EHMT1: variants seen among roughly 807,000 people sequenced by gnomAD.
EHMT1 encodes histone-lysine N-methyltransferase EHMT1.
A neutral mutation model predicts 147.2 loss-of-function variants in EHMT1; 15 were observed. The observed-to-expected ratio is 0.10, with a 90% CI of 0.07 to 0.16. EHMT1 has a LOEUF of 0.16. Among genes scored for constraint, EHMT1 ranks in the 10% least tolerant of loss-of-function variants. EHMT1 has a pLI of 1.00. For synonymous variants in EHMT1, 795 were observed against 709.6 expected, an observed-to-expected ratio of 1.12 and a Z score of -1.91; for missense variants, 1,587 against 1,772.4, an observed-to-expected ratio of 0.90 and a Z score of 1.88.
In EHMT1 at chr9:137,754,244, C is replaced by A. The variant is rs770997364; in HGVS notation, c.1322C>A (p.Ala441Asp). The stretch of plus-strand genomic sequence containing the variant: ...ACCGACAGTCCCTGGATCAAGCCAG[C>A]CAGGAAAAGGAGGCGGAGAAGTAGA... ...GKTDSPWIKP[A>D]RKRRRRSRKK... Residue 441 changes from alanine to aspartate, a missense_variant, in exon 8 of 27, where the codon GCC (alanine) becomes GAC (aspartate). Transcript: ENST00000460843. 8 of 1,613,922 alleles carry A rather than the reference C, an allele frequency of 5.0e-6. No homozygotes were observed. Among genetic ancestry groups the A allele is most frequent in the Non-Finnish European group, 6.8e-6 (8 of 1,179,988 alleles).
At chr9:137,646,306 T>A in intron 1 of EHMT1, 1 of 974,134 alleles carries the variant, frequency 1.0e-6, no homozygotes, top group Non-Finnish European at 1.2e-6. Context: ...AAATGATGTC[T>A]GTGGCATTTC....
chr9:137,745,009 G>A (rs187339350), intron 6 of EHMT1, among the ~76,000 whole-genome samples: 9 of 152,364 alleles, frequency 5.9e-5, no homozygotes, highest in African/African-American at 2.2e-4. Context: ...GGAAAGTTAA[G>A]AATCAAGTTG....
chr9:137,640,757 C>T (rs577071633), intron 1 of EHMT1, among the ~76,000 whole-genome samples: 2 of 152,262 alleles, frequency 1.3e-5, no homozygotes, highest in East Asian at 3.9e-4. Context: ...GATGTTGATT[C>T]CATACAAGTT....
chr9:137,718,900 C>CAT (rs1258225102), intron 3 of EHMT1, among the ~76,000 whole-genome samples: 2 of 151,754 alleles, frequency 1.3e-5, no homozygotes, highest in African/African-American at 4.8e-5. Flanking sequence ...GGACTACAGG[C>CAT]GCCTACCACC....
At chr9:137,692,500 A>C (rs1943026828) in intron 1 of EHMT1, among the ~76,000 whole-genome samples, 1 of 152,002 alleles carries the variant, frequency 6.6e-6, no homozygotes, top group Admixed American at 6.6e-5. Flanking sequence ...TCCTGACCTC[A>C]GGTGATCCAC....
intron 1 of EHMT1, chr9:137,665,017 T>C (rs1430164341): frequency 6.6e-6 from 1 of 152,190 alleles, no homozygotes; most frequent in Non-Finnish European, 1.5e-5. Flanking sequence ...TTTGCAACTC[T>C]TGGGCAGTCA....
At chr9:137,709,091 A>G (rs1944478931) in intron 1 of EHMT1, among the ~76,000 whole-genome samples, 1 of 152,142 alleles carries the variant, frequency 6.6e-6, no homozygotes, top group Non-Finnish European at 1.5e-5. Context: ...GTCGATGCAA[A>G]GGGGCTGACA....
chr9:137,830,358 T>C (rs1213946758), intron 25 of EHMT1, among the ~76,000 whole-genome samples: 1 of 152,236 alleles, frequency 6.6e-6, no homozygotes, highest in Non-Finnish European at 1.5e-5. Flanking sequence ...AATGAGACTC[T>C]GGGGTGCCCA....
chr9:137,686,139 T>A (rs1942405265), intron 1 of EHMT1, among the ~76,000 whole-genome samples: 1 of 152,180 alleles, frequency 6.6e-6, no homozygotes, highest in Admixed American at 6.5e-5. Flanking sequence ...TTGGAAGTAT[T>A]TTCTCTCGTT....
intron 25 of EHMT1, among the ~76,000 whole-genome samples, chr9:137,831,568 T>C (rs1468682844): frequency 1.3e-5 from 2 of 152,250 alleles, no homozygotes; most frequent in Non-Finnish European, 2.9e-5. Context: ...TGGATTCTTT[T>C]TCTGTTTCTC....
chr9:137,763,164 A>AGTCCAGAACC lies in EHMT1; in HGVS notation c.1647+353_1647+354insCGTCCAGAAC. 4 of 441,672 alleles carry AGTCCAGAACC rather than the reference A, an allele frequency of 9.1e-6. No individual in the cohort carries two copies. In the South Asian group the frequency reaches 9.2e-5, roughly 10 times the overall value. 27.4% of individuals were successfully genotyped at this position (441,672 alleles called of 1,614,324 possible). A position where few individuals can be genotyped will look rare whatever the true frequency, so the allele number is the denominator to read the frequency against. On this transcript the variant is annotated intron_variant, in intron 10 of 26. Coordinates refer to ENST00000460843, the MANE Select transcript of EHMT1 (RefSeq NM_024757.5). Reference sequence around the variant, plus strand: ...GAGGCAGGATAGTCACACCAAGGTGAGTCCAGAACTGCCCAGAACTGTGGT... The same window carrying AGTCCAGAACC: ...GAGGCAGGATAGTCACACCAAGGTGAGTCCAGAACCGTCCAGAACTGCCCAGAACTGTGGT...
intron 18 of EHMT1, among the ~76,000 whole-genome samples, chr9:137,805,011 ATG>A (rs1953813545): frequency 6.6e-6 from 1 of 151,258 alleles, no homozygotes. Context: ...TCAGTTGTCC[ATG>A]TGTGAGTCAG....
intron 6 of EHMT1, among the ~76,000 whole-genome samples, chr9:137,750,808 C>T (rs576260484): frequency 1.6e-4 from 24 of 152,278 alleles, no homozygotes; most frequent in African/African-American, 4.8e-4. Context: ...AGCGCTGAGG[C>T]GGTTAATGAG....
chr9:137,775,381 T>G lies in EHMT1; in HGVS notation c.1791+129T>G. ...AGCTGGCCCAGGTCTGGTGTCCGTC[T>G]GGAGGTCTCCAGTGTTCACAAGCCC... On this transcript the variant is annotated intron_variant, in intron 11 of 26. Transcript: ENST00000460843. This position sits in a 1 kb window ranked among gnomAD's most constrained non-coding sequence, Gnocchi z 6.1. The G allele has an allele frequency of 7.2e-7, 1 of 1,380,908 alleles. No homozygotes were observed. The highest frequency in any genetic ancestry group is 1.3e-5 in the South Asian group (1 of 78,024). 85.5% of individuals were successfully genotyped at this position (1,380,908 alleles called of 1,614,324 possible).
intron 25 of EHMT1, chr9:137,820,258 G>T (rs1248180040): frequency 6.6e-6 from 1 of 152,260 alleles, no homozygotes; most frequent in East Asian, 1.9e-4. Flanking sequence ...CTGTGCAGTG[G>T]GGCTGAGCTC....
chr9:137,777,031 C>G lies in EHMT1; in HGVS notation c.2018+187C>G, dbSNP rs937610082. On this transcript the variant is annotated intron_variant, in intron 12 of 26. Transcript: ENST00000460843. The stretch of plus-strand genomic sequence containing the variant: ...TTGCCATTTGTGCATACGTTGCTCT[C>G]TTTCGGTTTGGTTATGTAGATCCAT... The G allele has an allele frequency of 6.3e-6, 4 of 639,912 alleles. No homozygotes were observed. The African/African-American group carries it at 7.3e-5, about 12-fold the overall frequency. 39.6% of individuals were successfully genotyped at this position (639,912 alleles called of 1,614,324 possible). A position where few individuals can be genotyped will look rare whatever the true frequency, so the allele number is the denominator to read the frequency against.
intron 13 of EHMT1, among the ~76,000 whole-genome samples, chr9:137,779,421 C>A (rs1441527253): frequency 6.6e-6 from 1 of 152,270 alleles, no homozygotes; most frequent in Admixed American, 6.5e-5. Flanking sequence ...CAGTTTTTAC[C>A]ATGAGATATC....
At chr9:137,625,100 TA>T (rs1843172924) in intron 1 of EHMT1, among the ~76,000 whole-genome samples, 1 of 151,772 alleles carries the variant, frequency 6.6e-6, no homozygotes, top group South Asian at 2.1e-4. Context: ...TGGGCTGGTC[TA>T]AAATTCCTGA....
intron 1 of EHMT1, among the ~76,000 whole-genome samples, chr9:137,648,533 C>T (rs1469797046): frequency 1.3e-5 from 2 of 151,362 alleles, no homozygotes; most frequent in African/African-American, 4.9e-5. Flanking sequence ...TGCCTCATGC[C>T]TGTGGTCCCA....
Sources: gnomAD v4.1 joint callset for allele counts (sites outside exome capture counted in the v4.1 genomes callset) on GRCh38, gnomAD v4.1.1 for gene constraint, Gnocchi (gnomAD v3.1) non-coding constraint, MANE v1.5 for transcripts, NCBI Gene and HGNC (gene_info 2026-07-23, HGNC 2026-07-21) for gene names.